The following WDPCP variants were observed in gnomAD, a reference collection of about 807,000 sequenced individuals.
The protein encoded by WDPCP is WD repeat containing planar cell polarity effector.
WDPCP carries 71 observed loss-of-function variants against 93.1 expected under a neutral mutation model. That is an observed-to-expected ratio of 0.76 (90% CI 0.63 to 0.93). The LOEUF is 0.93. Among genes scored for constraint, WDPCP ranks in the 40% least tolerant of loss-of-function variants. The pLI is 0.00. For synonymous variants in WDPCP, 315 were observed against 315.0 expected, an observed-to-expected ratio of 1.00 and a Z score of 0.00; for missense variants, 844 against 887.4, an observed-to-expected ratio of 0.95 and a Z score of 0.62.
rs188614674 is a variant in WDPCP, at chr2:63,750,340, C to T, written n.308+63282G>A. Among the ~76,000 whole-genome samples the T allele has an allele frequency of 2.6e-4, 39 of 152,116 alleles. 1 individual carries two copies. The East Asian group carries it at 6.7e-3, about 26-fold the overall frequency. On this transcript the variant is annotated intron_variant and non_coding_transcript_variant, in intron 2 of 4. Coordinates refer to the WDPCP transcript ENST00000467687. Reference sequence around the variant, plus strand: ...TCCTATGAAATTAAAAACTCTAATTCAGAAGGCAAGCCTATCTAAACTCAA... The same window carrying T: ...TCCTATGAAATTAAAAACTCTAATTTAGAAGGCAAGCCTATCTAAACTCAA...
Position 63,560,412 on chromosome 2 carries a change from C to T in WDPCP, c.75+27785G>A, listed in dbSNP as rs1706516087. ...AAAACAGACACATAGATCAATGCAA[C>T]AGAATAGAGATCTCAGAAATAAGAC... On this transcript the variant is annotated intron_variant, in intron 1 of 17. Transcript: ENST00000272321. Among the ~76,000 whole-genome samples the T allele has an allele frequency of 1.3e-5, 2 of 152,132 alleles. 1 individual carries two copies. The highest frequency in any genetic ancestry group is 4.1e-4 in the South Asian group (2 of 4,820).
At chr2:63,407,743 C>T (rs1324450803) in intron 9 of WDPCP, among the ~76,000 whole-genome samples, 2 of 152,264 alleles carry the variant, frequency 1.3e-5, no homozygotes, top group East Asian at 1.9e-4. Flanking sequence ...ACCTGTGTAG[C>T]AGCTAGCCAA....
intron 14 of WDPCP, chr2:63,228,620 C>T (rs1186578331): frequency 6.7e-6 from 1 of 150,180 alleles, no homozygotes; most frequent in Non-Finnish European, 1.5e-5. Flanking sequence ...GTGTGATGTT[C>T]CCCTTCTTGT....
intron 3 of WDPCP, among the ~76,000 whole-genome samples, chr2:63,620,330 G>A (rs1360614188): frequency 1.3e-5 from 2 of 152,182 alleles, no homozygotes; most frequent in East Asian, 3.9e-4. Context: ...GCTCAAGCTT[G>A]GTAGGGGGAG....
intron 2 of WDPCP, among the ~76,000 whole-genome samples, chr2:63,696,512 A>AG (rs967238443): frequency 2.0e-5 from 3 of 152,126 alleles, no homozygotes; most frequent in African/African-American, 7.2e-5. Flanking sequence ...AGTAGTATTG[A>AG]GGGGGAAGAC....
At chr2:63,746,773 CA>C (rs1669804408) in intron 2 of WDPCP, among the ~76,000 whole-genome samples, 1 of 152,154 alleles carries the variant, frequency 6.6e-6, no homozygotes, top group African/African-American at 2.4e-5. Flanking sequence ...AGATGTTTAT[CA>C]ATGATAATGC....
At chr2:63,817,981 A>C (rs930783897) in intron 1 of WDPCP, among the ~76,000 whole-genome samples, 1 of 152,214 alleles carries the variant, frequency 6.6e-6, no homozygotes, top group African/African-American at 2.4e-5. Context: ...ATTTTTAGCA[A>C]AATTAATAGT....
intron 1 of WDPCP, among the ~76,000 whole-genome samples, chr2:63,586,534 T>C (rs1708856031): frequency 6.6e-6 from 1 of 152,174 alleles, no homozygotes; most frequent in African/African-American, 2.4e-5. Context: ...ACACAGACAA[T>C]CTTATTAGTA....
At chr2:63,414,688 G>A (rs1695280910) in intron 9 of WDPCP, among the ~76,000 whole-genome samples, 1 of 152,104 alleles carries the variant, frequency 6.6e-6, no homozygotes, top group African/African-American at 2.4e-5. Flanking sequence ...AAGATGCAAA[G>A]GCCTAAGAAT....
At chr2:63,371,184 G>A (rs1317895545) in intron 12 of WDPCP, among the ~76,000 whole-genome samples, 2 of 151,940 alleles carry the variant, frequency 1.3e-5, no homozygotes, top group African/African-American at 4.8e-5. Flanking sequence ...AATTGCTCAG[G>A]TCAAAACACT....
intron 3 of WDPCP, among the ~76,000 whole-genome samples, chr2:63,602,365 T>C (rs1709438501): frequency 6.8e-6 from 1 of 148,040 alleles, no homozygotes; most frequent in African/African-American, 2.5e-5. Flanking sequence ...TTTTTTTTTT[T>C]TTTGCTTTTT....
chr2:63,419,406 C>T (rs562924015), intron 9 of WDPCP, among the ~76,000 whole-genome samples: 25 of 152,278 alleles, frequency 1.6e-4, no homozygotes, highest in African/African-American at 5.8e-4. Context: ...TCCCAAAGTG[C>T]TGGGATTACA....
chr2:63,374,692 A>T (rs1285311280), intron 12 of WDPCP, among the ~76,000 whole-genome samples: 1 of 152,158 alleles, frequency 6.6e-6, no homozygotes, highest in East Asian at 1.9e-4. Context: ...TCTGAATTCT[A>T]AGTGTAAATA....
intron 2 of WDPCP, among the ~76,000 whole-genome samples, chr2:63,778,728 T>C (rs1241488014): frequency 6.6e-6 from 1 of 152,178 alleles, no homozygotes; most frequent in African/African-American, 2.4e-5. Flanking sequence ...GTTCAGCTTT[T>C]AAAAACTCTA....
chr2:63,426,640 C>A (rs147831142), intron 9 of WDPCP, among the ~76,000 whole-genome samples: 122 of 152,250 alleles, frequency 8.0e-4, no homozygotes, highest in African/African-American at 2.7e-3. Context: ...AACTACACAT[C>A]AAAAGCAACT....
intron 15 of WDPCP, among the ~76,000 whole-genome samples, chr2:63,171,420 A>G (rs1430952988): frequency 5.3e-5 from 8 of 152,250 alleles, no homozygotes; most frequent in Non-Finnish European, 1.0e-4. Flanking sequence ...GCTAATGAGC[A>G]AATAAGAAAT....
chr2:63,734,180 T>C (rs955573860), intron 2 of WDPCP, among the ~76,000 whole-genome samples: 2 of 152,196 alleles, frequency 1.3e-5, no homozygotes, highest in Non-Finnish European at 2.9e-5. Context: ...AAATTTCCTT[T>C]AATTTTTTTC....
At chr2:63,532,041 T>C (rs919813926) in intron 1 of WDPCP, among the ~76,000 whole-genome samples, 3 of 152,060 alleles carry the variant, frequency 2.0e-5, no homozygotes, top group Non-Finnish European at 4.4e-5. Flanking sequence ...CTGAAAACCA[T>C]GGCACGAGAA....
chr2:63,667,766 C>CT (rs55829221), intron 2 of WDPCP, among the ~76,000 whole-genome samples: 121,936 of 152,020 alleles, frequency 0.8, 49,329 homozygotes, highest in East Asian at 0.98. Context: ...TTAGCTAATA[C>CT]TTGCTGCACC....
Sources: gnomAD v4.1 joint callset for allele counts (sites outside exome capture counted in the v4.1 genomes callset) on GRCh38, gnomAD v4.1.1 for gene constraint, MANE v1.5 for transcripts, NCBI Gene and HGNC (gene_info 2026-07-23, HGNC 2026-07-21) for gene names.